Variants in GRM3 observed in about 807,000 individuals in gnomAD.
GRM3 encodes the protein metabotropic glutamate receptor 3.
A neutral mutation model predicts 70.5 loss-of-function variants in GRM3; 26 were observed. The observed-to-expected ratio is 0.37, with a 90% CI of 0.27 to 0.51. The LOEUF (loss-of-function observed/expected upper bound fraction) is 0.51, where lower values mean the gene tolerates loss of function less well. Among genes scored for constraint, GRM3 ranks in the 20% least tolerant of loss-of-function variants. GRM3 has a pLI of 0.93. For synonymous variants in GRM3, 443 were observed against 434.9 expected, an observed-to-expected ratio of 1.02 and a Z score of -0.23; for missense variants, 859 against 1,123.8, an observed-to-expected ratio of 0.76 and a Z score of 3.37.
chr7:86,771,878 T>C (rs1226802574), intron 2 of GRM3, among the ~76,000 whole-genome samples: 2 of 152,120 alleles, frequency 1.3e-5, no homozygotes, highest in Admixed American at 1.3e-4. Flanking sequence ...TCTCATAGTC[T>C]ACAGAAAGAT....
intron 2 of GRM3, among the ~76,000 whole-genome samples, chr7:86,783,500 G>C (rs1797133087): frequency 7.0e-6 from 1 of 143,712 alleles, no homozygotes; most frequent in Non-Finnish European, 1.5e-5. Context: ...ACTATCAAAA[G>C]AGCAAAATAT....
chr7:86,683,249 A>C (rs1408906586), intron 1 of GRM3, among the ~76,000 whole-genome samples: 5 of 152,178 alleles, frequency 3.3e-5, no homozygotes, highest in African/African-American at 1.2e-4. Flanking sequence ...GGAAGGAGTC[A>C]AGTGGCCTGG....
Position 86,656,224 on chromosome 7 carries a change from T to C in GRM3, c.-141+11352T>C, listed in dbSNP as rs2115808764. ...TCCTTCATTATTTCCTAGCCTGGAG[T>C]AAGGCCCAACCCATTTTGTGACACT... On this transcript the variant is annotated intron_variant, in intron 1 of 5. Coordinates refer to ENST00000361669, the MANE Select transcript of GRM3 (RefSeq NM_000840.3). 2.0e-5 allele frequency among the ~76,000 whole-genome samples: 3 copies of C among 150,302 alleles called. No individual in the cohort carries two copies. The South Asian group carries it at 6.3e-4, about 32-fold the overall frequency.
rs113193017 is a variant in GRM3, at chr7:86,668,365, G to A, written c.-141+23493G>A. ...ATGTACATACATTCACTCACTTGCA[G>A]GCTAAATAGCTACTAGGGAAATAAT... On this transcript the variant is annotated intron_variant, in intron 1 of 5. Coordinates refer to ENST00000361669, the MANE Select transcript of GRM3 (RefSeq NM_000840.3). 4.3e-3 allele frequency among the ~76,000 whole-genome samples: 660 copies of A among 152,050 alleles called. 6 individuals carry two copies. Among genetic ancestry groups the A allele is most frequent in the African/African-American group, 0.015 (631 of 41,460 alleles).
At chr7:86,792,446 G>C (rs1056526635) in intron 3 of GRM3, among the ~76,000 whole-genome samples, 2 of 152,122 alleles carry the variant, frequency 1.3e-5, no homozygotes, top group Admixed American at 1.3e-4. Context: ...TGTCACGTAG[G>C]CATTATCTCA....
intron 1 of GRM3, among the ~76,000 whole-genome samples, chr7:86,745,282 C>G (rs1357284080): frequency 6.6e-6 from 1 of 152,044 alleles, no homozygotes; most frequent in Admixed American, 6.6e-5. Context: ...TCTAATTATT[C>G]ATGGCCATGC....
intron 1 of GRM3, among the ~76,000 whole-genome samples, chr7:86,733,921 T>C (rs1795797622): frequency 1.3e-5 from 2 of 152,228 alleles, no homozygotes; most frequent in East Asian, 3.9e-4. Flanking sequence ...ACTCCTCAAG[T>C]GATGTGGTTA....
intron 2 of GRM3, among the ~76,000 whole-genome samples, chr7:86,773,503 G>A (rs1418660169): frequency 6.6e-6 from 1 of 151,972 alleles, no homozygotes; most frequent in African/African-American, 2.4e-5. Context: ...AATCCAGATA[G>A]CTTGCCTCCC....
intron 1 of GRM3, among the ~76,000 whole-genome samples, chr7:86,680,998 A>G (rs1161710766): frequency 1.3e-5 from 2 of 152,108 alleles, no homozygotes; most frequent in Non-Finnish European, 2.9e-5. Flanking sequence ...AATATAGTTC[A>G]ATGTTCACAT....
intron 1 of GRM3, among the ~76,000 whole-genome samples, chr7:86,703,585 C>T (rs1371076687): frequency 6.6e-6 from 1 of 151,958 alleles, no homozygotes; most frequent in African/African-American, 2.4e-5. Flanking sequence ...TACTCATATC[C>T]TGTATTACAA....
chr7:86,759,218 A>C (rs748792764), intron 1 of GRM3, among the ~76,000 whole-genome samples: 16 of 152,080 alleles, frequency 1.1e-4, no homozygotes, highest in Non-Finnish European at 2.2e-4. Context: ...GACCAATAAC[A>C]TGTATTCTAA....
rs765729878 is a variant in GRM3, at chr7:86,765,348, G to A, written c.203G>A (p.Arg68His). ...GRINEDRGIQ[R>H]LEAMLFAIDE... is the part of the protein sequence containing the mutation. ...ATCAATGAAGACCGAGGGATTCAAC[G>A]CCTGGAAGCCATGTTGTTTGCTATT... is the stretch of plus-strand genomic sequence containing the variant. The change falls in exon 2 of 6, where the codon CGC (arginine) becomes CAC (histidine). Residue 68 changes from arginine (R) to histidine (H), a missense_variant. Physicochemically the swap from Arg to His is conservative, Grantham distance 29. Transcript: ENST00000361669. The A allele has an allele frequency of 1.9e-6, 3 of 1,613,894 alleles. No individual in the cohort carries two copies. Among genetic ancestry groups the A allele is most frequent in the Admixed American group, 1.7e-5 (1 of 59,962 alleles).
At chr7:86,773,232 G>C (rs1796792237) in intron 2 of GRM3, among the ~76,000 whole-genome samples, 1 of 151,858 alleles carries the variant, frequency 6.6e-6, no homozygotes, top group Admixed American at 6.6e-5. Flanking sequence ...GGGGATATTA[G>C]TAGTACCTCT....
intron 1 of GRM3, among the ~76,000 whole-genome samples, chr7:86,716,222 T>G (rs1368047696): frequency 6.6e-6 from 1 of 151,808 alleles, no homozygotes; most frequent in African/African-American, 2.4e-5. Flanking sequence ...CCTTCTTTAA[T>G]GATAAGATGA....
At chr7:86,841,887 A>G (rs1321567382) in intron 4 of GRM3, among the ~76,000 whole-genome samples, 1 of 152,198 alleles carries the variant, frequency 6.6e-6, no homozygotes, top group African/African-American at 2.4e-5. Flanking sequence ...TCATAAGGCA[A>G]ATGAAATGGG....
At chr7:86,659,385 A>G (rs1584144430) in intron 1 of GRM3, among the ~76,000 whole-genome samples, 1 of 152,134 alleles carries the variant, frequency 6.6e-6, no homozygotes, top group South Asian at 2.1e-4. Context: ...TGGTAGCCCT[A>G]TGAGGATTAT....
rs1465502534 is a variant in GRM3 at position 86,786,623 on chromosome 7, C to G, written c.831C>G (p.Arg277=). Residue 277 remains arginine (R), a synonymous_variant, in exon 3 of 6, where the codon CGC becomes CGG. Transcript: ENST00000361669. This position sits in a 1 kb window ranked among gnomAD's most constrained non-coding sequence, Gnocchi z 6.0. Reference sequence around the variant, plus strand: ...CGCGCGTCGTGGTCCTCTTCATGCGCAGCGACGACTCGCGGGAGCTCATTG... The same window carrying G: ...CGCGCGTCGTGGTCCTCTTCATGCGGAGCGACGACTCGCGGGAGCTCATTG... ...PNARVVVLFM[R]SDDSRELIAA... The G allele has an allele frequency of 6.2e-7, 1 of 1,612,778 alleles. No homozygotes were observed. The highest frequency in any genetic ancestry group is 2.2e-5 in the East Asian group (1 of 44,892).
Position 86,746,341 on chromosome 7 carries a change from TTATATA to T in GRM3, c.-140-18636_-140-18631del, listed in dbSNP as rs59930404. ...TGACTAATAGAGGGTCAGTCATGTA[TTATATA>T]TATATATATATATATATATATATAT... On this transcript the variant is annotated intron_variant, in intron 1 of 5. Transcript: ENST00000361669. 7.3e-3 allele frequency among the ~76,000 whole-genome samples: 634 copies of T among 87,416 alleles called. 6 individuals carry two copies. The highest frequency in any genetic ancestry group is 0.024 in the Middle Eastern group (4 of 166). 57.3% of individuals were successfully genotyped at this position (87,416 alleles called of 152,430 possible).
chr7:86,814,826 T>G (rs1329385326), intron 3 of GRM3, among the ~76,000 whole-genome samples: 1 of 151,106 alleles, frequency 6.6e-6, no homozygotes, highest in Non-Finnish European at 1.5e-5. Context: ...GCGCCAGTCA[T>G]TTCCCAGAGT....
Sources: gnomAD v4.1 joint callset for allele counts (sites outside exome capture counted in the v4.1 genomes callset) on GRCh38, gnomAD v4.1.1 for gene constraint, Gnocchi (gnomAD v3.1) non-coding constraint, MANE v1.5 for transcripts, NCBI Gene and HGNC (gene_info 2026-07-23, HGNC 2026-07-21) for gene names.